Variants in MSI2 observed in about 807,000 individuals in gnomAD.
MSI2 encodes the protein musashi RNA binding protein 2, also known as RNA-binding protein Musashi homolog 2.
MSI2 carries 17 observed loss-of-function variants against 45.6 expected under a neutral mutation model. The observed-to-expected ratio is 0.37, with a 90% confidence interval of 0.26 to 0.56. The LOEUF is 0.56. Among genes scored for constraint, MSI2 ranks in the 20% least tolerant of loss-of-function variants. The pLI is 0.77. For missense variants in MSI2, 293 were observed against 444.2 expected (o/e 0.66, Z 3.06); for synonymous variants, 156 against 158.2 (o/e 0.99, Z 0.11).
At chr17:57,651,400 A>G (rs1283646038) in intron 10 of MSI2, among the ~76,000 whole-genome samples, 1 of 151,728 alleles carries the variant, frequency 6.6e-6, no homozygotes, top group Non-Finnish European at 1.5e-5. Context: ...ACACCGAGAG[A>G]TCAAATAAAG....
chr17:57,438,863 G>A (rs567842998), intron 6 of MSI2, among the ~76,000 whole-genome samples: 7 of 151,122 alleles, frequency 4.6e-5, no homozygotes, highest in South Asian at 4.2e-4. Context: ...GTGCAATGGC[G>A]CAGGTTGCTC....
At chr17:57,293,994 CAGGGAAACTG>C (rs1910705459) in intron 5 of MSI2, among the ~76,000 whole-genome samples, 1 of 149,744 alleles carries the variant, frequency 6.7e-6, no homozygotes, top group South Asian at 2.1e-4. Flanking sequence ...GAGGCTTGTT[CAGGGAAACTG>C]AAAAAAGTTC....
At chr17:57,353,627 C>A (rs1916204890) in intron 5 of MSI2, among the ~76,000 whole-genome samples, 1 of 152,168 alleles carries the variant, frequency 6.6e-6, no homozygotes, top group Admixed American at 6.5e-5. Context: ...TTTGCTGAGT[C>A]AAAGTATCTA....
intron 10 of MSI2, among the ~76,000 whole-genome samples, chr17:57,635,183 C>A (rs1909746167): frequency 6.6e-6 from 1 of 151,950 alleles, no homozygotes; most frequent in Non-Finnish European, 1.5e-5. Context: ...GCAGAAGCAT[C>A]TTGGGTGGGA....
chr17:57,674,603 ACTCT>A (rs761335564), intron 11 of MSI2, among the ~76,000 whole-genome samples: 33 of 138,786 alleles, frequency 2.4e-4, no homozygotes, highest in East Asian at 8.6e-4. Flanking sequence ...TGAAAAAAAA[ACTCT>A]CTCTCTCTCT....
intron 7 of MSI2, among the ~76,000 whole-genome samples, chr17:57,579,780 G>C (rs1047877396): frequency 3.3e-5 from 5 of 152,184 alleles, no homozygotes; most frequent in African/African-American, 1.2e-4. Context: ...AACTGTGCCA[G>C]GCTTCGGTGT....
At chr17:57,631,715 C>A in intron 10 of MSI2, 1 of 1,256,228 alleles carries the variant, frequency 8.0e-7, no homozygotes, top group South Asian at 1.2e-5. Context: ...ATCTCCCCTG[C>A]TTCCTCTCTT....
intron 5 of MSI2, among the ~76,000 whole-genome samples, chr17:57,339,162 T>G (rs943788621): frequency 6.6e-5 from 10 of 152,298 alleles, no homozygotes; most frequent in South Asian, 4.1e-4. Context: ...GAACTGTCCA[T>G]CACACAGGAG....
intron 6 of MSI2, among the ~76,000 whole-genome samples, chr17:57,495,532 C>A (rs1469980128): frequency 2.6e-3 from 186 of 72,548 alleles, no homozygotes; most frequent in South Asian, 6.4e-3. Context: ...GACTCTGTCT[C>A]AAAAAAAAAA....
At chr17:57,349,005 G>T (rs1246986585) in intron 5 of MSI2, among the ~76,000 whole-genome samples, 1 of 152,132 alleles carries the variant, frequency 6.6e-6, no homozygotes, top group Non-Finnish European at 1.5e-5. Flanking sequence ...CTGGTTTAAG[G>T]CTTCAAGTCC....
At chr17:57,558,077 C>G (rs2087480367) in intron 7 of MSI2, among the ~76,000 whole-genome samples, 1 of 152,114 alleles carries the variant, frequency 6.6e-6, no homozygotes, top group African/African-American at 2.4e-5. Flanking sequence ...TGAGAGTGCT[C>G]AAGACGGAGC....
intron 7 of MSI2, among the ~76,000 whole-genome samples, chr17:57,555,498 C>T (rs2087413702): frequency 6.6e-6 from 1 of 152,178 alleles, no homozygotes; most frequent in South Asian, 2.1e-4. Flanking sequence ...AGCAGCTCCT[C>T]AACCAGCCAG....
intron 6 of MSI2, among the ~76,000 whole-genome samples, chr17:57,454,732 T>C (rs2085081267): frequency 6.6e-6 from 1 of 152,030 alleles, no homozygotes; most frequent in African/African-American, 2.4e-5. Flanking sequence ...ATGGCATGTG[T>C]TTTCAAGATC....
rs2085654721 is a variant in MSI2 at position 57,481,870 on chromosome 17, G to C, written c.406-47806G>C. 2.0e-5 allele frequency among the ~76,000 whole-genome samples: 3 copies of C among 152,172 alleles called. No individual in the cohort carries two copies. In the South Asian group the frequency reaches 6.2e-4, roughly 32 times the overall value. On this transcript the variant is annotated intron_variant, in intron 6 of 13. Transcript: ENST00000284073. ...GCTTGATTGCAGCTTTTATACAAAGGAGTTAAGACACGGGTAGGAAAGATA... is the reference window on the plus strand; with the variant it reads ...GCTTGATTGCAGCTTTTATACAAAGCAGTTAAGACACGGGTAGGAAAGATA...
At chr17:57,631,703 G>C in intron 10 of MSI2, 1 of 1,121,000 alleles carries the variant, frequency 8.9e-7, no homozygotes, top group South Asian at 1.3e-5. Context: ...TTGTGATCAG[G>C]GATCTCCCCT....
chr17:57,327,312 C>T (rs1010295778), intron 5 of MSI2, among the ~76,000 whole-genome samples: 2 of 152,072 alleles, frequency 1.3e-5, no homozygotes, highest in African/African-American at 2.4e-5. Flanking sequence ...AATCTGAGGC[C>T]CAGAGAGGTA....
chr17:57,271,096 C>T (rs995972415), intron 5 of MSI2, among the ~76,000 whole-genome samples: 1 of 152,170 alleles, frequency 6.6e-6, no homozygotes, highest in Non-Finnish European at 1.5e-5. Flanking sequence ...GAGGTCTCCC[C>T]ATGAGTCTTC....
At chr17:57,450,970 G>T (rs1310901334) in intron 6 of MSI2, among the ~76,000 whole-genome samples, 1 of 152,126 alleles carries the variant, frequency 6.6e-6, no homozygotes, top group Non-Finnish European at 1.5e-5. Flanking sequence ...ACATGGGGTT[G>T]GATGGTCCAG....
intron 6 of MSI2, among the ~76,000 whole-genome samples, chr17:57,408,685 T>C (rs150861429): frequency 2.6e-5 from 4 of 152,232 alleles, no homozygotes; most frequent in Non-Finnish European, 4.4e-5. Context: ...AATGGAGTTG[T>C]TAGTAGGAGA....
Sources: allele counts gnomAD v4.1 joint callset (sites outside exome capture counted in the v4.1 genomes callset), GRCh38; gene constraint gnomAD v4.1.1; transcripts MANE v1.5; gene names NCBI Gene and HGNC (gene_info 2026-07-23, HGNC 2026-07-21).